AGXT2: variants seen among roughly 807,000 people sequenced by gnomAD.
AGXT2 encodes the protein alanine--glyoxylate aminotransferase 2, mitochondrial.
A neutral mutation model predicts 62.5 loss-of-function variants in AGXT2; 61 were observed. The ratio of observed to expected loss-of-function variants is 0.98; its 90% CI spans 0.79 to 1.21. The LOEUF (loss-of-function observed/expected upper bound fraction) is 1.21. Among genes scored for constraint, AGXT2 ranks in the 50% most tolerant of loss-of-function variants. The probability of loss-of-function intolerance (pLI) is 0.00; values close to 1 mark genes in which losing one functional copy is unlikely to be tolerated. For missense variants in AGXT2, 666 were observed against 641.5 expected, an observed-to-expected ratio of 1.04 and a Z score of -0.41; for synonymous variants, 243 against 218.7, an observed-to-expected ratio of 1.11 and a Z score of -0.98.
intron 13 of AGXT2, among the ~76,000 whole-genome samples, chr5:35,001,096 T>C (rs1766212773): frequency 6.6e-6 from 1 of 152,214 alleles, no homozygotes; most frequent in Non-Finnish European, 1.5e-5. Context: ...TGATGTACAG[T>C]TGGTTAGGTG....
chr5:35,033,953 C>A (rs970668430), intron 5 of AGXT2, among the ~76,000 whole-genome samples: 10 of 152,106 alleles, frequency 6.6e-5, no homozygotes, highest in African/African-American at 2.4e-4. Flanking sequence ...TGTTCAATAT[C>A]TTTAGGGACT....
intron 9 of AGXT2, among the ~76,000 whole-genome samples, chr5:35,022,858 A>G (rs1160297022): frequency 6.6e-6 from 1 of 151,802 alleles, no homozygotes; most frequent in Non-Finnish European, 1.5e-5. Context: ...CAGAACTCTG[A>G]TAATATTGTT....
intron 11 of AGXT2, chr5:35,012,540 A>G (rs1339897900): frequency 7.9e-6 from 2 of 252,062 alleles, no homozygotes; most frequent in East Asian, 1.9e-4. Context: ...TGCTGTAAGC[A>G]CGTAGAACTC....
chr5:35,038,784 G>T (rs974683647), intron 3 of AGXT2, among the ~76,000 whole-genome samples: 5 of 152,194 alleles, frequency 3.3e-5, no homozygotes, highest in African/African-American at 1.2e-4. Context: ...ATCTGTGTGG[G>T]CGAGTATACC....
intron 9 of AGXT2, among the ~76,000 whole-genome samples, chr5:35,022,231 C>T (rs1286153728): frequency 6.6e-6 from 1 of 151,902 alleles, no homozygotes; most frequent in Non-Finnish European, 1.5e-5. Context: ...GGGTATATAC[C>T]CAAAGGACTA....
intron 10 of AGXT2, among the ~76,000 whole-genome samples, 186 bp downstream of exon 10, chr5:35,013,799 AAG>A (rs201133032): frequency 0.29 from 36,142 of 126,696 alleles, 4,334 homozygotes; most frequent in Middle Eastern, 0.34. Context: ...AAAAAAAAAA[AAG>A]GGCTGGCTTT....
In AGXT2 at chr5:35,047,923, A is replaced by G. The variant is rs1768321133; in HGVS notation, c.-31T>C. On this transcript the variant is annotated 5_prime_UTR_variant, in exon 1 of 14. Transcript: ENST00000231420. The stretch of plus-strand genomic sequence containing the variant: ...CCACTCAGAAAGCCAACCCCCATGG[A>G]AGCAGATTGGAGGCCGGGCTCTAAC... 2 of 1,613,560 alleles carry G rather than the reference A, an allele frequency of 1.2e-6. No individual in the cohort carries two copies. The highest frequency in any genetic ancestry group is 1.7e-6 in the Non-Finnish European group (2 of 1,179,816).
At chr5:35,025,696 TAGG>T in intron 9 of AGXT2, 64 bp downstream of exon 9, 1 of 1,504,566 alleles carries the variant, frequency 6.6e-7, no homozygotes, top group Non-Finnish European at 9.2e-7. Flanking sequence ...AGAGGAAGTT[TAGG>T]AGGTTTCTGT....
At chr5:35,036,191 A>C (rs1767764659) in intron 4 of AGXT2, among the ~76,000 whole-genome samples, 1 of 152,198 alleles carries the variant, frequency 6.6e-6, no homozygotes, top group Non-Finnish European at 1.5e-5. Flanking sequence ...GCATGTGTTC[A>C]TGACTCTGCT....
chr5:35,001,634 A>G (rs1766229057), intron 13 of AGXT2, among the ~76,000 whole-genome samples: 2 of 152,190 alleles, frequency 1.3e-5, no homozygotes, highest in South Asian at 4.1e-4. Flanking sequence ...CCTGACAAGC[A>G]GGAAGGGCTT....
At chr5:35,014,946 A>C (rs1389751870) in intron 9 of AGXT2, among the ~76,000 whole-genome samples, 1 of 152,160 alleles carries the variant, frequency 6.6e-6, no homozygotes, top group Admixed American at 6.5e-5. Context: ...GAACTGTATC[A>C]TGAGGAGGAC....
chr5:35,008,658 G>T (rs548081968), intron 12 of AGXT2, among the ~76,000 whole-genome samples: 1 of 152,266 alleles, frequency 6.6e-6, no homozygotes, highest in South Asian at 2.1e-4. Flanking sequence ...TATTTTACTG[G>T]TGTCTTCCCT....
intron 3 of AGXT2, 22 bp from the exon 4 acceptor site, chr5:35,037,087 G>A: frequency 6.2e-7 from 1 of 1,613,470 alleles, no homozygotes; most frequent in Non-Finnish European, 8.5e-7. Context: ...GTACAGCAGA[G>A]TTACCTGCAC....
chr5:35,046,386 C>G (rs1021878086), intron 1 of AGXT2, among the ~76,000 whole-genome samples: 2 of 152,170 alleles, frequency 1.3e-5, no homozygotes, highest in Non-Finnish European at 2.9e-5. Context: ...GCAAAAGAAA[C>G]TCATGACCAA....
At chr5:35,026,751 C>G (rs539222186) in intron 7 of AGXT2, among the ~76,000 whole-genome samples, 1 of 152,174 alleles carries the variant, frequency 6.6e-6, no homozygotes, top group African/African-American at 2.4e-5. Context: ...AAGGCATAAA[C>G]AAACCACTTC....
chr5:35,027,983 G>T (rs1209837179), intron 7 of AGXT2, among the ~76,000 whole-genome samples: 1 of 151,560 alleles, frequency 6.6e-6, no homozygotes, highest in Admixed American at 6.6e-5. Flanking sequence ...TTGACCCATG[G>T]ATGAAGATGT....
chr5:35,041,048 C>T (rs1468757402), intron 1 of AGXT2, among the ~76,000 whole-genome samples: 1 of 151,872 alleles, frequency 6.6e-6, no homozygotes, highest in East Asian at 1.9e-4. Flanking sequence ...TTCAAGCTGC[C>T]TAGTGCCTGA....
chr5:35,025,495 G>A (rs776522794), intron 9 of AGXT2, among the ~76,000 whole-genome samples: 11 of 152,116 alleles, frequency 7.2e-5, no homozygotes, highest in Non-Finnish European at 1.5e-4. Context: ...ATTGAGTCAC[G>A]GTCTAATAAC....
Position 35,035,329 on chromosome 5 carries a change from G to A in AGXT2, c.487-13C>T. 1 of 1,609,304 alleles carries A rather than the reference G, an allele frequency of 6.2e-7. No individual in the cohort carries two copies. The highest frequency in any genetic ancestry group is 8.5e-7 in the Non-Finnish European group (1 of 1,176,310). On this transcript the variant is annotated splice_polypyrimidine_tract_variant and intron_variant, in intron 4 of 13. Transcript: ENST00000231420. ...CCAAGAAAATGACCTGGAGAGGAAA[G>A]GAAGACACGTGGCCTCATAATTTAT...
Sources: gnomAD v4.1 joint callset for allele counts (sites outside exome capture counted in the v4.1 genomes callset) on GRCh38, gnomAD v4.1.1 for gene constraint, MANE v1.5 for transcripts, NCBI Gene and HGNC (gene_info 2026-07-23, HGNC 2026-07-21) for gene names.